Variants in TMEM26 observed in about 807,000 individuals in gnomAD.
TMEM26 encodes the protein transmembrane protein 26.
TMEM26 carries 38 observed loss-of-function variants against 28.8 expected under a neutral mutation model. The observed-to-expected ratio is 1.32, with a 90% CI of 1.02 to 1.73. TMEM26 has a LOEUF of 1.73. TMEM26 is among the 40% of genes most tolerant of loss of function. The probability of loss-of-function intolerance (pLI) is 0.00; values close to 1 mark genes in which losing one functional copy is unlikely to be tolerated. For synonymous variants in TMEM26, 227 were observed against 182.9 expected, an observed-to-expected ratio of 1.24 and a Z score of -1.95; for missense variants, 518 against 447.1, an observed-to-expected ratio of 1.16 and a Z score of -1.43.
rs755001069 is a variant in TMEM26 at position 61,410,329 on chromosome 10, G to T, written c.1100C>A (p.Thr367Asn). 3 of 1,609,688 alleles carry T rather than the reference G, an allele frequency of 1.9e-6. No homozygotes were observed. The highest frequency in any genetic ancestry group is 2.7e-5 in the African/African-American group (2 of 74,872). The change falls in exon 6 of 6, where the codon ACC (threonine) becomes AAC (asparagine). Residue 367 changes from threonine (T) to asparagine (N), a missense_variant. Physicochemically the swap from Thr to Asn is moderately conservative, Grantham distance 65 (BLOSUM62 0). Transcript: ENST00000399298. Reference protein sequence around the residue: ...SPVTSDDSHHTP With the variant: ...SPVTSDDSHHNP ...ACCACTGTCAATCAATAACTAAGGG[G>T]TGTGGTGGGAGTCGTCGGAGGTGAC...
At chr10:61,416,539 C>A (rs1384681794) in intron 4 of TMEM26, among the ~76,000 whole-genome samples, 1 of 151,970 alleles carries the variant, frequency 6.6e-6, no homozygotes, top group Admixed American at 6.6e-5. Context: ...GCTCTTAGAA[C>A]AGCATGTGAC....
At chr10:61,422,177 A>C (rs1431568957) in intron 4 of TMEM26, among the ~76,000 whole-genome samples, 2 of 152,152 alleles carry the variant, frequency 1.3e-5, no homozygotes, top group African/African-American at 4.8e-5. Context: ...GACAGTATTT[A>C]AAAGAGAAAC....
rs1840324475 is a variant in TMEM26 at position 61,453,237 on chromosome 10, C to T, written c.-156G>A. Reference sequence around the variant, plus strand: ...CCCTCAGCGCCCGATGCCGGTAGAACTGGTGCGCGGCTCGCCCCTCCCCCA... The same window carrying T: ...CCCTCAGCGCCCGATGCCGGTAGAATTGGTGCGCGGCTCGCCCCTCCCCCA... On this transcript the variant is annotated 5_prime_UTR_variant, in exon 1 of 6. Coordinates refer to ENST00000399298, the MANE Select transcript of TMEM26 (RefSeq NM_178505.8). The T allele has an allele frequency of 1.3e-6, 1 of 748,696 alleles. No individual in the cohort carries two copies. Among genetic ancestry groups the T allele is most frequent in the South Asian group, 1.8e-5 (1 of 54,236 alleles). 46.4% of individuals were successfully genotyped at this position (748,696 alleles called of 1,614,324 possible).
chr10:61,437,884 T>A (rs758601010), intron 1 of TMEM26, among the ~76,000 whole-genome samples: 1 of 152,350 alleles, frequency 6.6e-6, no homozygotes, highest in Non-Finnish European at 1.5e-5. Flanking sequence ...TATAATTTTA[T>A]TAAAATGCTT....
intron 4 of TMEM26, among the ~76,000 whole-genome samples, chr10:61,417,966 T>C (rs1195408973): frequency 4.0e-5 from 6 of 151,868 alleles, no homozygotes; most frequent in African/African-American, 1.2e-4. Flanking sequence ...AACAACAAAT[T>C]GGGTAACATT....
chr10:61,440,420 A>T (rs928523252), intron 1 of TMEM26, among the ~76,000 whole-genome samples: 2 of 150,260 alleles, frequency 1.3e-5, no homozygotes, highest in Non-Finnish European at 1.5e-5. Flanking sequence ...TACCTACAAG[A>T]TGCTGCCCAC....
intron 1 of TMEM26, among the ~76,000 whole-genome samples, chr10:61,441,263 T>A (rs1840088434): frequency 6.6e-6 from 1 of 152,218 alleles, no homozygotes; most frequent in South Asian, 2.1e-4. Context: ...TCTACTTTCC[T>A]GACACTCTGT....
chr10:61,420,334 A>G (rs553005417), intron 4 of TMEM26, among the ~76,000 whole-genome samples: 26 of 152,254 alleles, frequency 1.7e-4, no homozygotes, highest in African/African-American at 5.1e-4. Context: ...TGGTCTTGCT[A>G]TCTCTGGGGT....
chr10:61,445,634 T>C (rs1840167698), intron 1 of TMEM26, among the ~76,000 whole-genome samples: 2 of 152,198 alleles, frequency 1.3e-5, no homozygotes, highest in Admixed American at 6.5e-5. Flanking sequence ...ATTTTCAATA[T>C]GACTTTCCAA....
chr10:61,452,901 C>T lies in TMEM26; in HGVS notation c.181G>A (p.Gly61Ser), dbSNP rs1840314322. Residue 61 changes from glycine to serine, a missense_variant, in exon 1 of 6, where the codon GGC (glycine) becomes AGC (serine). Physicochemically the swap from Gly to Ser is moderately conservative, Grantham distance 56. Transcript: ENST00000399298. Reference protein sequence around the residue: ...ALTLKFKRGRGYKWFSPAIFL... With the variant: ...ALTLKFKRGRSYKWFSPAIFL... ...CCGGGGCACTCTCACCATTTGTAGC[C>T]TCTGCCGCGCTTGAACTTGAGGGTG... 1.2e-6 allele frequency: 2 copies of T among 1,613,362 alleles called. No individual in the cohort carries two copies. The highest frequency in any genetic ancestry group is 1.1e-5 in the South Asian group (1 of 91,074).
rs1003909982 is a variant in TMEM26 at position 61,409,098 on chromosome 10, C to T, written c.*1224G>A. The T allele has an allele frequency of 2.0e-5, 3 of 152,070 alleles. No individual in the cohort carries two copies. The highest frequency in any genetic ancestry group is 6.6e-5 in the Admixed American group (1 of 15,256). The allele number at this position is 152,070 out of a possible 1,614,324, so 9.4% of individuals were successfully genotyped here. ...CCTCGTGTAATTACTGCTACACACC[C>T]GAGCAAATTTTCACACTGTATCTTT... On this transcript the variant is annotated 3_prime_UTR_variant, in exon 6 of 6. Coordinates refer to ENST00000399298, the MANE Select transcript of TMEM26 (RefSeq NM_178505.8).
At chr10:61,451,090 T>A (rs1254503705) in intron 1 of TMEM26, among the ~76,000 whole-genome samples, 1 of 152,216 alleles carries the variant, frequency 6.6e-6, no homozygotes, top group African/African-American at 2.4e-5. Context: ...ATTATCTGTC[T>A]GATTTTGAGG....
At chr10:61,441,892 C>A (rs1293975602) in intron 1 of TMEM26, among the ~76,000 whole-genome samples, 1 of 152,116 alleles carries the variant, frequency 6.6e-6, no homozygotes, top group Non-Finnish European at 1.5e-5. Context: ...TAAAATCTTT[C>A]TTTTCCATGA....
At chr10:61,437,911 G>GAAA (rs1203149363) in intron 1 of TMEM26, among the ~76,000 whole-genome samples, 1 of 152,134 alleles carries the variant, frequency 6.6e-6, no homozygotes, top group African/African-American at 2.4e-5. Context: ...CGCAGCAATA[G>GAAA]TTTGAAATGA....
intron 4 of TMEM26, among the ~76,000 whole-genome samples, chr10:61,419,459 GTAAA>G (rs1839707376): frequency 1.3e-5 from 2 of 152,132 alleles, no homozygotes; most frequent in Admixed American, 6.6e-5. Flanking sequence ...CAATAAGTGA[GTAAA>G]TAAAGATACA....
rs1000861387 is a variant in TMEM26, at chr10:61,414,958, T to C, written c.606-1423A>G. The C allele has an allele frequency of 1.5e-5, 15 of 984,206 alleles. No homozygotes were observed. In the Admixed American group the frequency reaches 9.2e-4, roughly 61 times the overall value. The allele number at this position is 984,206 out of a possible 1,614,324, so 61.0% of individuals were successfully genotyped here. On this transcript the variant is annotated intron_variant, in intron 4 of 5. Transcript: ENST00000399298. ...GTGAATACTGTTAGGTGGATTCCTGTGTAAATGGCTCCCCACAGGGGGACT... is the reference window on the plus strand; with the variant it reads ...GTGAATACTGTTAGGTGGATTCCTGCGTAAATGGCTCCCCACAGGGGGACT...
At position 61,429,032 on chromosome 10, in the gene TMEM26, C is replaced by A; in HGVS notation, c.499G>T (p.Gly167Cys). 6.2e-7 allele frequency: 1 copy of A among 1,613,246 alleles called. No homozygotes were observed. The highest frequency in any genetic ancestry group is 8.5e-7 in the Non-Finnish European group (1 of 1,179,446). Residue 167 changes from glycine to cysteine, a missense_variant, in exon 4 of 6, where the codon GGC becomes TGC. Gly to Cys is a radical substitution (Grantham distance 159). Coordinates refer to ENST00000399298, the MANE Select transcript of TMEM26 (RefSeq NM_178505.8). ...IIGRWLLPIG[G>C]GITRDQLSQL... ...GAGAGTTGATCTCGAGTGATCCCGC[C>A]TCCAATGGGTAGAAGCCATCTTCCA...
intron 1 of TMEM26, among the ~76,000 whole-genome samples, chr10:61,451,552 A>C (rs948242430): frequency 3.3e-5 from 5 of 152,062 alleles, no homozygotes; most frequent in African/African-American, 1.2e-4. Context: ...TTGTTTCTTT[A>C]TCCCTGAGGC....
At chr10:61,410,879 T>G in intron 5 of TMEM26, 133 bp from the exon 6 acceptor site, 1 of 935,386 alleles carries the variant, frequency 1.1e-6, no homozygotes, top group African/African-American at 1.7e-5. Context: ...AGGATGGAAA[T>G]CAAATGGAAT....
Sources: gnomAD v4.1 joint callset for allele counts (sites outside exome capture counted in the v4.1 genomes callset) on GRCh38, gnomAD v4.1.1 for gene constraint, MANE v1.5 for transcripts, NCBI Gene and HGNC (gene_info 2026-07-23, HGNC 2026-07-21) for gene names.